Variants in SPECC1 observed in about 807,000 individuals in gnomAD.
SPECC1 encodes sperm antigen with calponin homology and coiled-coil domains 1.
A neutral mutation model predicts 104.1 loss-of-function variants in SPECC1; 62 were observed. The ratio of observed to expected loss-of-function variants is 0.60; its 90% CI spans 0.49 to 0.74. The LOEUF is 0.74. Among genes scored for constraint, SPECC1 ranks in the 30% least tolerant of loss-of-function variants. The pLI, the probability that SPECC1 is intolerant of heterozygous loss-of-function variation, is 0.00. For missense variants in SPECC1, 1,306 were observed against 1,310.5 expected, an observed-to-expected ratio of 1.00 and a Z score of 0.05; for synonymous variants, 513 against 501.6, an observed-to-expected ratio of 1.02 and a Z score of -0.30.
At chr17:20,312,359 T>TACG (rs1555537824) in intron 14 of SPECC1, among the ~76,000 whole-genome samples, 6 of 151,740 alleles carry the variant, frequency 4.0e-5, no homozygotes, top group Admixed American at 2.6e-4. Flanking sequence ...AATTCTCAAA[T>TACG]ATGTTAACAA....
chr17:20,156,108 C>T, intron 3 of SPECC1: 2 of 1,362,680 alleles, frequency 1.5e-6, no homozygotes, highest in Non-Finnish European at 1.9e-6. Flanking sequence ...CGGACGCAAC[C>T]GCCTCGCCAG....
chr17:20,031,341 C>T (rs1294856727), intron 1 of SPECC1, among the ~76,000 whole-genome samples: 3 of 151,798 alleles, frequency 2.0e-5, no homozygotes, highest in East Asian at 1.9e-4. Flanking sequence ...TTTTTTGAGA[C>T]GGAGTTTTGC....
In SPECC1 at chr17:20,312,926, G is replaced by A. The variant is rs138517165; in HGVS notation, c.3118-1050G>A. Among the ~76,000 whole-genome samples, 268 of 152,258 alleles carry A rather than the reference G, an allele frequency of 1.8e-3. 9 individuals are homozygous for A. In the East Asian group the frequency reaches 0.04, roughly 23 times the overall value. ...CTCAGCCAACTCTGTTAACCCCCAG[G>A]AACTGATGTGCTAAGTTCAGCCTTA... On this transcript the variant is annotated intron_variant, in intron 14 of 14. Transcript: ENST00000395527.
At chr17:20,185,166 A>T (rs929292422) in intron 3 of SPECC1, 1 of 152,258 alleles carries the variant, frequency 6.6e-6, no homozygotes, top group South Asian at 2.1e-4. Flanking sequence ...GAGGTGGAGC[A>T]GATTGCATTT....
chr17:20,239,528 G>A (rs2039096775), intron 7 of SPECC1: 1 of 160,050 alleles, frequency 6.2e-6, no homozygotes, highest in Non-Finnish European at 1.4e-5. Flanking sequence ...TCCATAGGAA[G>A]GATATGTCCT....
rs2058971 is a variant in SPECC1, at chr17:20,316,195, T to A, written c.*2130T>A. 0.69 allele frequency: 160,180 copies of A among 230,832 alleles called. 58,437 individuals carry two copies. The highest frequency in any genetic ancestry group is 0.99 in the East Asian group (16,152 of 16,312). 14.3% of individuals were successfully genotyped at this position (230,832 alleles called of 1,614,324 possible). ...TTTTTTTTATTAACCCTGTACTTCT[T>A]CTTTGCCCACCATTAAAGTGGGGGA... On this transcript the variant is annotated 3_prime_UTR_variant, in exon 15 of 15. Transcript: ENST00000395527.
rs543607405 is a variant in SPECC1, at chr17:20,127,082, A to G, written c.283+16520A>G. ...TATCATCTAATGTGCTTTGCTTTGT[A>G]TGTTTCTTTTCTTCAACTATTATGT... On this transcript the variant is annotated intron_variant, in intron 3 of 14. Transcript: ENST00000395527. Among the ~76,000 whole-genome samples the G allele has an allele frequency of 1.9e-4, 29 of 152,242 alleles. 1 individual carries two copies. In the South Asian group the frequency reaches 6.0e-3, roughly 32 times the overall value.
chr17:20,108,077 T>C (rs182037324), intron 2 of SPECC1, among the ~76,000 whole-genome samples: 97 of 152,336 alleles, frequency 6.4e-4, no homozygotes, highest in Non-Finnish European at 1.1e-3. Context: ...ATGAGTAGAC[T>C]TTATTTGTGA....
At chr17:20,126,566 CA>C (rs1429598312) in intron 3 of SPECC1, 1 of 152,130 alleles carries the variant, frequency 6.6e-6, no homozygotes, top group Non-Finnish European at 1.5e-5. Context: ...CTCTTCTTAG[CA>C]CTAATGGTTT....
At chr17:20,229,324 G>A (rs530688498) in intron 5 of SPECC1, among the ~76,000 whole-genome samples, 4 of 152,200 alleles carry the variant, frequency 2.6e-5, no homozygotes, top group East Asian at 3.9e-4. Flanking sequence ...TCATGCAGAC[G>A]CAAGCTCTTG....
intron 3 of SPECC1, among the ~76,000 whole-genome samples, chr17:20,136,998 A>G (rs780430598): frequency 1.3e-5 from 2 of 152,212 alleles, no homozygotes; most frequent in Non-Finnish European, 2.9e-5. Context: ...TTTTGGATGT[A>G]TATGCCTGAG....
chr17:20,282,824 TAGA>T (rs1389541506), intron 12 of SPECC1, among the ~76,000 whole-genome samples: 5 of 152,002 alleles, frequency 3.3e-5, no homozygotes, highest in Non-Finnish European at 7.4e-5. Flanking sequence ...AAAAGATAAG[TAGA>T]AGTTGTCAGA....
chr17:20,093,720 GTTTTTGT>G (rs1203917334), intron 1 of SPECC1, among the ~76,000 whole-genome samples: 1 of 102,260 alleles, frequency 9.8e-6, no homozygotes, highest in African/African-American at 3.8e-5. Context: ...TTTTGTTTTT[GTTTTTGT>G]TTTTTGTTTT....
At chr17:20,056,651 C>G in intron 1 of SPECC1, 1 of 157,794 alleles carries the variant, frequency 6.3e-6, no homozygotes, top group Non-Finnish European at 1.4e-5. Flanking sequence ...AAAGCATTTT[C>G]AATGATTTCT....
intron 12 of SPECC1, among the ~76,000 whole-genome samples, chr17:20,288,045 CTTTG>C (rs1254641356): frequency 1.3e-5 from 2 of 150,314 alleles, no homozygotes; most frequent in African/African-American, 2.4e-5. Flanking sequence ...TGAGAACATA[CTTTG>C]TTTGGTTTTC....
chr17:20,100,387 CA>C (rs2047889130), intron 2 of SPECC1, among the ~76,000 whole-genome samples: 1 of 152,140 alleles, frequency 6.6e-6, no homozygotes, highest in African/African-American at 2.4e-5. Context: ...TGGTGGTGGA[CA>C]AAAAAGCAAG....
At chr17:20,217,092 G>A (rs1228412370) in intron 4 of SPECC1, among the ~76,000 whole-genome samples, 1 of 152,164 alleles carries the variant, frequency 6.6e-6, no homozygotes, top group African/African-American at 2.4e-5. Context: ...TGGAAGGGTA[G>A]GCTTTGGTCT....
intron 13 of SPECC1, among the ~76,000 whole-genome samples, chr17:20,305,409 G>C (rs771427723): frequency 6.6e-6 from 1 of 152,086 alleles, no homozygotes; most frequent in Non-Finnish European, 1.5e-5. Flanking sequence ...ATATTAATAC[G>C]GGCACTAAAA....
chr17:20,176,504 A>G (rs1044540021), intron 3 of SPECC1, among the ~76,000 whole-genome samples: 3 of 152,168 alleles, frequency 2.0e-5, no homozygotes, highest in Non-Finnish European at 2.9e-5. Flanking sequence ...GCTATAACAA[A>G]TAACTACAAA....
Sources: allele counts gnomAD v4.1 joint callset (sites outside exome capture counted in the v4.1 genomes callset), GRCh38; gene constraint gnomAD v4.1.1; transcripts MANE v1.5; gene names NCBI Gene and HGNC (gene_info 2026-07-23, HGNC 2026-07-21).